OPCML: variants seen among roughly 807,000 people sequenced by gnomAD.
The protein encoded by OPCML is opioid-binding protein/cell adhesion molecule.
A neutral mutation model predicts 37.8 loss-of-function variants in OPCML; 13 were observed. That is an observed-to-expected ratio of 0.34 (90% CI 0.22 to 0.55). The LOEUF is 0.55. Among genes scored for constraint, OPCML ranks in the 20% least tolerant of loss-of-function variants. The probability of loss-of-function intolerance (pLI) is 0.91; values close to 1 mark genes in which losing one functional copy is unlikely to be tolerated. For missense variants in OPCML, 341 were observed against 435.6 expected (o/e 0.78, Z 1.93); for synonymous variants, 176 against 168.8 (o/e 1.04, Z -0.33).
chr11:132,419,266 A>G lies in OPCML; in HGVS notation c.*927T>C, dbSNP rs2095949180. On this transcript the variant is annotated 3_prime_UTR_variant, in exon 8 of 8. Transcript: ENST00000524381. ...GAATAGAAAGGAGTGTTAGACAATTACATTGATAGATTGATAAACAGTAAA... is the reference window on the plus strand; with the variant it reads ...GAATAGAAAGGAGTGTTAGACAATTGCATTGATAGATTGATAAACAGTAAA... 6.6e-6 allele frequency: 1 copy of G among 152,238 alleles called. No homozygotes were observed. Among genetic ancestry groups the G allele is most frequent in the Admixed American group, 6.5e-5 (1 of 15,284 alleles). 9.4% of individuals were successfully genotyped at this position (152,238 alleles called of 1,614,324 possible).
chr11:133,210,919 G>A (rs1939329718), intron 1 of OPCML, among the ~76,000 whole-genome samples: 2 of 152,106 alleles, frequency 1.3e-5, no homozygotes, highest in Admixed American at 1.3e-4. Context: ...ACTTATTGGT[G>A]CCCTCTAGGA....
At chr11:132,970,896 G>C (rs10791266) in intron 1 of OPCML, among the ~76,000 whole-genome samples, 48,284 of 152,004 alleles carry the variant, frequency 0.32, 8,152 homozygotes, top group Admixed American at 0.41. Context: ...TTGGCAATTA[G>C]AAATTCCCTA....
intron 3 of OPCML, among the ~76,000 whole-genome samples, chr11:132,614,388 T>C (rs2137868420): frequency 6.6e-6 from 1 of 152,322 alleles, no homozygotes; most frequent in South Asian, 2.1e-4. Context: ...CTTCGTTTAA[T>C]AACCTTTGAG....
intron 2 of OPCML, among the ~76,000 whole-genome samples, chr11:132,790,699 G>A (rs1034181925): frequency 2.0e-5 from 3 of 152,176 alleles, no homozygotes; most frequent in Non-Finnish European, 4.4e-5. Context: ...CTGCTGTAGC[G>A]GCAGATGCTA....
chr11:132,519,442 C>T (rs535823840), intron 4 of OPCML, among the ~76,000 whole-genome samples: 1 of 152,014 alleles, frequency 6.6e-6, no homozygotes, highest in Non-Finnish European at 1.5e-5. Flanking sequence ...ACTTCAGCCT[C>T]CCAAGAAGGA....
At chr11:133,384,487 C>G (rs1351568738) in intron 1 of OPCML, among the ~76,000 whole-genome samples, 4 of 152,262 alleles carry the variant, frequency 2.6e-5, no homozygotes, top group African/African-American at 4.8e-5. Flanking sequence ...AGGGCCAACC[C>G]AACCAGATGA....
At chr11:132,670,365 C>T (rs761564086) in intron 2 of OPCML, among the ~76,000 whole-genome samples, 17 of 152,090 alleles carry the variant, frequency 1.1e-4, no homozygotes, top group Non-Finnish European at 2.1e-4. Flanking sequence ...ATATAATGTA[C>T]GGGATCACAG....
intron 1 of OPCML, among the ~76,000 whole-genome samples, chr11:132,983,125 C>G (rs891720969): frequency 3.3e-5 from 5 of 152,194 alleles, no homozygotes; most frequent in African/African-American, 1.2e-4. Flanking sequence ...AAACAGCCCC[C>G]CTCCAGCTTG....
At chr11:132,574,974 A>T (rs1194976976) in intron 3 of OPCML, among the ~76,000 whole-genome samples, 1 of 152,036 alleles carries the variant, frequency 6.6e-6, no homozygotes, top group South Asian at 2.1e-4. Context: ...TTATGTAAAT[A>T]TATTGATTAT....
intron 1 of OPCML, among the ~76,000 whole-genome samples, chr11:133,055,044 G>A (rs1290077617): frequency 1.1e-4 from 16 of 145,062 alleles, no homozygotes; most frequent in African/African-American, 3.7e-4. Flanking sequence ...CACCTCTACT[G>A]TACAATGCTG....
Position 132,778,345 on chromosome 11 carries a change from C to G in OPCML, c.147-121026G>C, listed in dbSNP as rs140854920. Among the ~76,000 whole-genome samples, 346 of 152,348 alleles carry G rather than the reference C, an allele frequency of 2.3e-3. 1 individual carries two copies. The highest frequency in any genetic ancestry group is 7.9e-3 in the African/African-American group (328 of 41,580). On this transcript the variant is annotated intron_variant, in intron 2 of 7. Coordinates refer to ENST00000524381, the MANE Select transcript of OPCML (RefSeq NM_001012393.5). ...GCCGCCCTCCACCTTCTACTTTACACCTCCGTTTATTCAACCAAAAATGTT... is the reference window on the plus strand; with the variant it reads ...GCCGCCCTCCACCTTCTACTTTACAGCTCCGTTTATTCAACCAAAAATGTT...
At chr11:133,027,490 T>TAG (rs765364020) in intron 1 of OPCML, among the ~76,000 whole-genome samples, 1 of 110,864 alleles carries the variant, frequency 9.0e-6, no homozygotes, top group Non-Finnish European at 2.1e-5. Flanking sequence ...TGTGTGTGTG[T>TAG]TGTGTGTGTG....
At chr11:133,140,922 C>CGAAGAA (rs1471987757) in intron 1 of OPCML, among the ~76,000 whole-genome samples, 105 of 4,790 alleles carry the variant, frequency 0.022, 6 homozygotes, top group African/African-American at 0.032. Context: ...AAGAAGAAGA[C>CGAAGAA]GACGACGACG....
At chr11:133,075,357 C>G (rs891112950) in intron 1 of OPCML, among the ~76,000 whole-genome samples, 1 of 152,212 alleles carries the variant, frequency 6.6e-6, no homozygotes, top group Non-Finnish European at 1.5e-5. Flanking sequence ...GTCTCAGAGG[C>G]TTCTCCTCAA....
intron 2 of OPCML, among the ~76,000 whole-genome samples, chr11:132,687,252 C>T (rs975955689): frequency 2.0e-5 from 3 of 150,326 alleles, no homozygotes; most frequent in African/African-American, 4.9e-5. Context: ...TCAGTTTTGC[C>T]GTATTATGTT....
chr11:133,529,822 G>A (rs1364269052), intron 1 of OPCML, among the ~76,000 whole-genome samples: 1 of 152,194 alleles, frequency 6.6e-6, no homozygotes, highest in Non-Finnish European at 1.5e-5. Flanking sequence ...GGAAGTAAAA[G>A]AAAAGAGAAA....
At chr11:132,930,297 G>A (rs763432569) in intron 2 of OPCML, among the ~76,000 whole-genome samples, 7 of 152,100 alleles carry the variant, frequency 4.6e-5, no homozygotes, top group Admixed American at 6.5e-5. Flanking sequence ...CTGAAAGGTC[G>A]AGGCTACAGT....
chr11:132,890,812 G>A (rs1465071585), intron 2 of OPCML, among the ~76,000 whole-genome samples: 7 of 141,054 alleles, frequency 5.0e-5, no homozygotes, highest in Non-Finnish European at 1.1e-4. Context: ...AGCCGAGATC[G>A]AGCCACTGCA....
intron 1 of OPCML, among the ~76,000 whole-genome samples, chr11:133,440,124 G>A (rs1327694408): frequency 6.6e-6 from 1 of 152,134 alleles, no homozygotes; most frequent in Non-Finnish European, 1.5e-5. Flanking sequence ...GCCGGGCATA[G>A]TGGCTCACAC....
Sources: gnomAD v4.1 joint callset for allele counts (sites outside exome capture counted in the v4.1 genomes callset) on GRCh38, gnomAD v4.1.1 for gene constraint, MANE v1.5 for transcripts, NCBI Gene and HGNC (gene_info 2026-07-23, HGNC 2026-07-21) for gene names.